PLS1: variants seen among roughly 807,000 people sequenced by gnomAD.
PLS1 encodes plastin-1.
PLS1 carries 32 observed loss-of-function variants against 73.7 expected under a neutral mutation model. That is an observed-to-expected ratio of 0.43 (90% confidence interval 0.33 to 0.58). PLS1 has a LOEUF of 0.58. PLS1 is among the 20% of genes least tolerant of loss of function. The probability of loss-of-function intolerance (pLI) is 0.04; values close to 1 mark genes in which losing one functional copy is unlikely to be tolerated. For synonymous variants in PLS1, 217 were observed against 261.3 expected, an observed-to-expected ratio of 0.83 and a Z score of 1.63; for missense variants, 633 against 740.5, an observed-to-expected ratio of 0.85 and a Z score of 1.68.
At chr3:142,652,598 G>A (rs945948163) in intron 1 of PLS1, among the ~76,000 whole-genome samples, 1 of 152,152 alleles carries the variant, frequency 6.6e-6, no homozygotes, top group Non-Finnish European at 1.5e-5. Flanking sequence ...GGGAACCAAG[G>A]TGAGGCACGT....
At chr3:142,637,232 A>C (rs2036713279) in intron 1 of PLS1, among the ~76,000 whole-genome samples, 1 of 152,220 alleles carries the variant, frequency 6.6e-6, no homozygotes, top group South Asian at 2.1e-4. Context: ...ATTAAAATAC[A>C]CAACATAGAT....
intron 12 of PLS1, among the ~76,000 whole-genome samples, chr3:142,700,774 CATCTT>C (rs1490347005): frequency 1.3e-5 from 2 of 152,192 alleles, no homozygotes; most frequent in African/African-American, 4.8e-5. Flanking sequence ...ACCCAAATCT[CATCTT>C]GAATTGTACT....
rs964095583 is a variant in PLS1, at chr3:142,635,750, A to T, written c.-36-28452A>T. Reference sequence around the variant, plus strand: ...TATTTTAGTAGAAATGGACACCCTGATTCTAAAATTCATATGGAAATGTGA... The same window carrying T: ...TATTTTAGTAGAAATGGACACCCTGTTTCTAAAATTCATATGGAAATGTGA... On this transcript the variant is annotated intron_variant, in intron 1 of 15. Coordinates refer to ENST00000457734, the MANE Select transcript of PLS1 (RefSeq NM_001145319.2). Among the ~76,000 whole-genome samples, 17 of 152,324 alleles carry T rather than the reference A, an allele frequency of 1.1e-4. No individual in the cohort carries two copies. The East Asian group carries it at 3.3e-3, about 29-fold the overall frequency.
At chr3:142,669,293 G>T (rs375252352) in intron 2 of PLS1, 97 bp from the exon 3 acceptor site, 6 of 631,502 alleles carry the variant, frequency 9.5e-6, no homozygotes, top group South Asian at 5.2e-5. Flanking sequence ...AAATGTGAAA[G>T]GCTCTGTCTG....
In PLS1 at chr3:142,671,021, T is replaced by C; in HGVS notation, c.263T>C (p.Ile88Thr). 1 of 1,600,210 alleles carries C rather than the reference T, an allele frequency of 6.2e-7. No homozygotes were observed. Residue 88 changes from isoleucine to threonine, a missense_variant, in exon 4 of 16, where the codon ATC becomes ACC. By Grantham distance (89) the Ile-to-Thr change is moderately conservative (BLOSUM62 -1). Coordinates refer to ENST00000457734, the MANE Select transcript of PLS1 (RefSeq NM_001145319.2). ...SLMQELKSKD[I>T]SKTFRKIINK... ...ATGCAAGAATTAAAAAGCAAAGATATCAGCAAAACATTCCGAAAAATAATT... is the reference window on the plus strand; with the variant it reads ...ATGCAAGAATTAAAAAGCAAAGATACCAGCAAAACATTCCGAAAAATAATT...
intron 10 of PLS1, 44 bp from the exon 11 acceptor site, chr3:142,694,425 T>A (rs756896607): frequency 1.6e-6 from 2 of 1,222,522 alleles, no homozygotes; most frequent in Admixed American, 3.6e-5. Context: ...AGTTCCTGGT[T>A]CCTTTTGTCC....
Position 142,684,267 on chromosome 3 carries a change from T to C in PLS1, c.760T>C (p.Leu254=). 1.9e-6 allele frequency: 3 copies of C among 1,614,164 alleles called. No individual in the cohort carries two copies. The highest frequency in any genetic ancestry group is 2.2e-5 in the South Asian group (2 of 91,078). The change falls in exon 8 of 16, where the codon TTA becomes CTA. Residue 254 remains leucine (L), a synonymous_variant. Coordinates refer to ENST00000457734, the MANE Select transcript of PLS1 (RefSeq NM_001145319.2). ...TTTGCCCTCAGCTCTGATTGCATTG[T>C]TAAATGAAGGTGAGGAACTAGAGGA... ...ISRNEALIAL[L]NEGEELEELM... is the part of the protein sequence containing the mutation.
chr3:142,696,907 T>C (rs1364766307), intron 11 of PLS1, among the ~76,000 whole-genome samples: 1 of 152,026 alleles, frequency 6.6e-6, no homozygotes, highest in Non-Finnish European at 1.5e-5. Flanking sequence ...TATTCAGATC[T>C]TAATTACCTT....
chr3:142,691,090 T>G (rs1466355081), intron 10 of PLS1, among the ~76,000 whole-genome samples: 3 of 152,102 alleles, frequency 2.0e-5, no homozygotes, highest in Non-Finnish European at 2.9e-5. Flanking sequence ...GAATGAGAAA[T>G]CAATTTCATG....
intron 1 of PLS1, among the ~76,000 whole-genome samples, chr3:142,615,446 C>A (rs2036198522): frequency 2.0e-5 from 3 of 152,222 alleles, no homozygotes; most frequent in Non-Finnish European, 4.4e-5. Context: ...CAATCATGAT[C>A]ATGATGGATG....
At chr3:142,653,884 ACC>A (rs2037159036) in intron 1 of PLS1, among the ~76,000 whole-genome samples, 2 of 152,190 alleles carry the variant, frequency 1.3e-5, no homozygotes, top group African/African-American at 2.4e-5. Flanking sequence ...TAACAGTTGA[ACC>A]TGATAAGCAC....
At chr3:142,624,721 C>T (rs144748698) in intron 1 of PLS1, among the ~76,000 whole-genome samples, 43 of 152,286 alleles carry the variant, frequency 2.8e-4, no homozygotes, top group African/African-American at 9.9e-4. Context: ...TTGTACGCAC[C>T]ATAGAATACT....
chr3:142,675,684 G>GT (rs370194834), intron 4 of PLS1, among the ~76,000 whole-genome samples: 5,705 of 141,694 alleles, frequency 0.04, 286 homozygotes, highest in African/African-American at 0.12. Flanking sequence ...CGTGCTCCCC[G>GT]TTTTTTTTTT....
At chr3:142,641,300 A>G (rs955317544) in intron 1 of PLS1, among the ~76,000 whole-genome samples, 4 of 146,556 alleles carry the variant, frequency 2.7e-5, no homozygotes, top group African/African-American at 9.9e-5. Context: ...ATATATAGAT[A>G]AATAATATAT....
intron 1 of PLS1, among the ~76,000 whole-genome samples, chr3:142,616,504 C>G (rs1039613402): frequency 6.6e-6 from 1 of 152,090 alleles, no homozygotes; most frequent in Non-Finnish European, 1.5e-5. Flanking sequence ...CAACAACAGG[C>G]CATTTGACTG....
In PLS1 at chr3:142,678,081, A is replaced by C; in HGVS notation, c.547A>C (p.Asn183His). The C allele has an allele frequency of 2.6e-6, 4 of 1,556,420 alleles. No homozygotes were observed. The highest frequency in any genetic ancestry group is 3.5e-6 in the Non-Finnish European group (4 of 1,146,496). Reference protein sequence around the residue: ...EPDTIDERAINKKKLTPFTIS... With the variant: ...EPDTIDERAIHKKKLTPFTIS... The stretch of plus-strand genomic sequence containing the variant: ...AGATACAATTGATGAAAGAGCCATC[A>C]ATAAGAAAAAGCTCACGCCATTCAC... Residue 183 changes from asparagine to histidine, a missense_variant, in exon 6 of 16, where the codon AAT becomes CAT. By Grantham distance (68) the Asn-to-His change is moderately conservative. Transcript: ENST00000457734.
At position 142,703,842 on chromosome 3, in the gene PLS1, A is replaced by G. The variant is rs200168041; in HGVS notation, c.1372-26A>G. ...GAGATATGTTTTTAAAAATCTTTTT[A>G]TACCCAAACTTTTACTTATTTATAG... On this transcript the variant is annotated intron_variant, in intron 12 of 15. Transcript: ENST00000457734. 47 of 1,552,262 alleles carry G rather than the reference A, an allele frequency of 3.0e-5. No individual in the cohort carries two copies. The African/African-American group carries it at 5.4e-4, about 18-fold the overall frequency.
At chr3:142,668,759 G>A (rs2037535138) in intron 2 of PLS1, among the ~76,000 whole-genome samples, 1 of 151,960 alleles carries the variant, frequency 6.6e-6, no homozygotes, top group East Asian at 1.9e-4. Context: ...CCGCCACTAT[G>A]CCCAGCTAAT....
chr3:142,649,912 T>A (rs1204037219), intron 1 of PLS1, among the ~76,000 whole-genome samples: 1 of 152,162 alleles, frequency 6.6e-6, no homozygotes, highest in African/African-American at 2.4e-5. Context: ...ATAATTATAG[T>A]TAATTTTCTT....
Sources: gnomAD v4.1 joint callset for allele counts (sites outside exome capture counted in the v4.1 genomes callset) on GRCh38, gnomAD v4.1.1 for gene constraint, MANE v1.5 for transcripts, NCBI Gene and HGNC (gene_info 2026-07-23, HGNC 2026-07-21) for gene names.